Variants in GLI3 observed in about 807,000 individuals in gnomAD.
GLI3 encodes the protein transcription activator GLI3.
GLI3 carries 20 observed loss-of-function variants against 100.8 expected under a neutral mutation model. The observed-to-expected ratio is 0.20, with a 90% confidence interval of 0.14 to 0.29. The LOEUF (loss-of-function observed/expected upper bound fraction) is 0.29. Ranked by LOEUF, GLI3 falls within the 10% of genes least tolerant of loss-of-function variation. The pLI is 1.00. For synonymous variants in GLI3, 938 were observed against 860.5 expected, an observed-to-expected ratio of 1.09 and a Z score of -1.58; for missense variants, 2,040 against 2,128.5, an observed-to-expected ratio of 0.96 and a Z score of 0.82.
At chr7:42,152,496 T>C (rs1310142494) in intron 2 of GLI3, 1 of 824,022 alleles carries the variant, frequency 1.2e-6, no homozygotes, top group South Asian at 5.5e-5. Context: ...GCTGCTCCCA[T>C]TAGAGGAATT....
chr7:42,026,931 T>C (rs1789134084), intron 7 of GLI3, among the ~76,000 whole-genome samples: 1 of 152,212 alleles, frequency 6.6e-6, no homozygotes, highest in Non-Finnish European at 1.5e-5. Context: ...GCTTGGTTCA[T>C]CCAGAATGCC....
intron 4 of GLI3, among the ~76,000 whole-genome samples, chr7:42,051,294 C>T (rs1005521031): frequency 6.6e-6 from 1 of 152,124 alleles, no homozygotes; most frequent in Admixed American, 6.5e-5. Context: ...TGTGCGTGGA[C>T]CTCAGCCTTG....
At chr7:42,251,666 G>C (rs1346024152) in intron 1 of GLI3, among the ~76,000 whole-genome samples, 3 of 152,138 alleles carry the variant, frequency 2.0e-5, no homozygotes, top group Non-Finnish European at 4.4e-5. Context: ...ATCATTCCTG[G>C]ATGTTTATGT....
At chr7:42,122,573 C>T (rs887247760) in intron 3 of GLI3, among the ~76,000 whole-genome samples, 10 of 152,172 alleles carry the variant, frequency 6.6e-5, no homozygotes, top group African/African-American at 2.4e-4. Context: ...AGGAAGGAAG[C>T]TGAGGGGTTA....
chr7:42,263,738 G>A (rs571656044), intron 1 of GLI3, among the ~76,000 whole-genome samples: 19 of 152,162 alleles, frequency 1.2e-4, no homozygotes, highest in African/African-American at 2.4e-4. Flanking sequence ...GTGAGCCACC[G>A]CACCCCACCA....
intron 10 of GLI3, among the ~76,000 whole-genome samples, chr7:41,990,800 G>A (rs1388046658): frequency 6.6e-6 from 1 of 152,120 alleles, no homozygotes; most frequent in African/African-American, 2.4e-5. Context: ...ACATTGCTAA[G>A]GGAGGGTCTT....
intron 2 of GLI3, among the ~76,000 whole-genome samples, chr7:42,165,717 A>G (rs1002922601): frequency 6.6e-6 from 1 of 152,202 alleles, no homozygotes; most frequent in African/African-American, 2.4e-5. Flanking sequence ...CTGACCACAG[A>G]AAGAAACATC....
chr7:42,248,752 T>A (rs1440762346), intron 1 of GLI3, among the ~76,000 whole-genome samples: 1 of 152,124 alleles, frequency 6.6e-6, no homozygotes, highest in Non-Finnish European at 1.5e-5. Flanking sequence ...CATTTAATAA[T>A]TCTCTTATCC....
upstream of GLI3, among the ~76,000 whole-genome samples, chr7:42,242,406 G>A (rs993971685): frequency 6.6e-6 from 1 of 152,132 alleles, no homozygotes; most frequent in Non-Finnish European, 1.5e-5. Flanking sequence ...TACATAAACT[G>A]CAGGTTTTAC....
chr7:42,049,571 T>C (rs1412279673), intron 4 of GLI3, among the ~76,000 whole-genome samples: 3 of 152,230 alleles, frequency 2.0e-5, no homozygotes, highest in Non-Finnish European at 4.4e-5. Flanking sequence ...TGTAGGCTTT[T>C]GGTTAATAAA....
chr7:42,189,473 A>T (rs967819742), intron 2 of GLI3, among the ~76,000 whole-genome samples: 1 of 152,226 alleles, frequency 6.6e-6, no homozygotes, highest in Non-Finnish European at 1.5e-5. Flanking sequence ...CCCTTATAAA[A>T]GCAAGGAGTC....
intron 3 of GLI3, among the ~76,000 whole-genome samples, chr7:42,144,096 G>A (rs903395688): frequency 6.6e-6 from 1 of 152,150 alleles, no homozygotes; most frequent in Admixed American, 6.5e-5. Flanking sequence ...TGTCGGCCAG[G>A]GTACAGGAAT....
intron 3 of GLI3, among the ~76,000 whole-genome samples, chr7:42,092,454 C>G (rs1286680533): frequency 2.0e-5 from 3 of 152,190 alleles, no homozygotes; most frequent in Non-Finnish European, 4.4e-5. Context: ...GTCAGGATTC[C>G]AGCTCAGAAG....
chr7:42,025,876 C>T (rs188971686), intron 8 of GLI3, among the ~76,000 whole-genome samples: 116 of 152,322 alleles, frequency 7.6e-4, no homozygotes, highest in African/African-American at 2.7e-3. Context: ...TGAACAGTGA[C>T]CAAATGAGAG....
intron 8 of GLI3, 132 bp downstream of exon 8, chr7:42,026,067 T>A: frequency 1.4e-6 from 1 of 698,374 alleles, no homozygotes; most frequent in South Asian, 1.6e-5. Context: ...GACCTCAGCA[T>A]TAAGAAGACA....
At chr7:42,229,431 C>T (rs1404080997) in intron 1 of GLI3, among the ~76,000 whole-genome samples, 2 of 152,128 alleles carry the variant, frequency 1.3e-5, no homozygotes, top group East Asian at 1.9e-4. Context: ...GAAATTATTC[C>T]GTGTAGTTTA....
chr7:42,074,794 T>G (rs1359725552), intron 4 of GLI3, among the ~76,000 whole-genome samples: 1 of 152,250 alleles, frequency 6.6e-6, no homozygotes, highest in Non-Finnish European at 1.5e-5. Flanking sequence ...CCAGGACTTG[T>G]CTTTTGAGGC....
At chr7:42,238,495 A>G (rs1788880743), upstream of GLI3, among the ~76,000 whole-genome samples, 1 of 152,180 alleles carries the variant, frequency 6.6e-6, no homozygotes, top group Non-Finnish European at 1.5e-5. Flanking sequence ...AAATCCGCGA[A>G]GCGAGGAGGA....
intron 2 of GLI3, among the ~76,000 whole-genome samples, chr7:42,220,947 G>A (rs140950059): frequency 6.6e-5 from 10 of 152,282 alleles, no homozygotes; most frequent in African/African-American, 2.4e-4. Flanking sequence ...CTGCAAGTTT[G>A]ACCAATCAAT....
Sources: allele counts gnomAD v4.1 joint callset (sites outside exome capture counted in the v4.1 genomes callset), GRCh38; gene constraint gnomAD v4.1.1; transcripts MANE v1.5; gene names NCBI Gene and HGNC (gene_info 2026-07-23, HGNC 2026-07-21).